The following NIBAN1 variants were observed in gnomAD, a reference collection of about 807,000 sequenced individuals.
NIBAN1 encodes the protein protein Niban 1.
Under a neutral mutation model 75.1 loss-of-function variants are expected in NIBAN1, and 81 were observed. The observed-to-expected ratio is 1.08, with a 90% CI of 0.90 to 1.30. NIBAN1 has a LOEUF of 1.30. Ranked by LOEUF, NIBAN1 falls within the 50% of genes most tolerant of loss-of-function variation. NIBAN1 has a pLI of 0.00. For missense variants in NIBAN1, 1,133 were observed against 1,128.1 expected, an observed-to-expected ratio of 1.00 and a Z score of -0.06; for synonymous variants, 436 against 424.8, an observed-to-expected ratio of 1.03 and a Z score of -0.32.
intron 1 of NIBAN1, among the ~76,000 whole-genome samples, chr1:184,962,823 T>A (rs1658685656): frequency 6.6e-6 from 1 of 152,176 alleles, no homozygotes. Context: ...CTTTAAGGGA[T>A]GTCAAGAAAC....
intron 5 of NIBAN1, among the ~76,000 whole-genome samples, chr1:184,862,957 T>G (rs77545288): frequency 0.022 from 3,369 of 152,190 alleles, 88 homozygotes; most frequent in East Asian, 0.077. Context: ...TTAAGCCCAG[T>G]ATCTGGTATT....
intron 1 of NIBAN1, among the ~76,000 whole-genome samples, chr1:184,917,598 T>A (rs1380390739): frequency 6.6e-6 from 1 of 151,962 alleles, no homozygotes; most frequent in Non-Finnish European, 1.5e-5. Flanking sequence ...GACTTCCTCT[T>A]TTAAGCAAAT....
chr1:184,864,978 C>T (rs60062455), intron 5 of NIBAN1, among the ~76,000 whole-genome samples: 394 of 136,134 alleles, frequency 2.9e-3, no homozygotes, highest in African/African-American at 0.01. Flanking sequence ...CAATATAAAA[C>T]TAAAGAGGTC....
At chr1:184,969,642 T>G (rs1313123594) in intron 1 of NIBAN1, among the ~76,000 whole-genome samples, 8 of 151,572 alleles carry the variant, frequency 5.3e-5, no homozygotes, top group Admixed American at 5.3e-4. Flanking sequence ...TCAGGGACCT[T>G]AAATGGGGCT....
chr1:184,950,223 A>G (rs1011264231), intron 1 of NIBAN1, among the ~76,000 whole-genome samples: 2 of 152,174 alleles, frequency 1.3e-5, no homozygotes, highest in Non-Finnish European at 2.9e-5. Context: ...AATGGTCTCT[A>G]TTATCTTAAC....
At chr1:184,904,411 T>C (rs1230773930) in intron 1 of NIBAN1, among the ~76,000 whole-genome samples, 2 of 152,166 alleles carry the variant, frequency 1.3e-5, no homozygotes, top group African/African-American at 4.8e-5. Context: ...CTTTGACAAC[T>C]CTGTCCATAT....
At chr1:184,806,185 G>A in intron 10 of NIBAN1, 129 bp from the exon 11 acceptor site, 1 of 645,634 alleles carries the variant, frequency 1.5e-6, no homozygotes, top group African/African-American at 1.8e-5. Context: ...TATTCGGTGG[G>A]GGTACCCAAG....
chr1:184,951,517 CT>C (rs1254978701), intron 1 of NIBAN1, among the ~76,000 whole-genome samples: 5 of 152,276 alleles, frequency 3.3e-5, no homozygotes, highest in African/African-American at 4.8e-5. Context: ...CTTGAAGCCA[CT>C]TTTTTTCCCC....
rs1305223738 is a variant in NIBAN1, at chr1:184,803,685, T to G, written c.1454A>C (p.Asp485Ala). ...KVKLRVLKQY[D>A]YDSSTIRKKI... ...CTTTCGGATGGTGCTGCTGTCATAA[T>G]CATATTGCTGTCAATAAAGAAACAT... is the stretch of plus-strand genomic sequence containing the variant. The change falls in exon 12 of 14, where the codon GAT becomes GCT. Residue 485 changes from aspartate to alanine, a missense_variant. Coordinates refer to ENST00000367511, the MANE Select transcript of NIBAN1 (RefSeq NM_052966.4). The G allele has an allele frequency of 6.2e-7, 1 of 1,613,624 alleles. No homozygotes were observed. Among genetic ancestry groups the G allele is most frequent in the South Asian group, 1.1e-5 (1 of 91,058 alleles).
At chr1:184,969,173 T>C (rs554536269) in intron 1 of NIBAN1, among the ~76,000 whole-genome samples, 1 of 152,356 alleles carries the variant, frequency 6.6e-6, no homozygotes, top group African/African-American at 2.4e-5. Flanking sequence ...GATTCTATCA[T>C]TAAACATAAT....
In NIBAN1 at chr1:184,795,292, G is replaced by T. The variant is rs1435107845; in HGVS notation, c.2472C>A (p.Ala824=). The T allele has an allele frequency of 6.2e-7, 1 of 1,612,586 alleles. No individual in the cohort carries two copies. Reference sequence around the variant, plus strand: ...TACACTTGCCCCCTCTTCCTTCATGGGCAGTGAGTGTGCAGGCCTCTCCTG... The same window carrying T: ...TACACTTGCCCCCTCTTCCTTCATGTGCAGTGAGTGTGCAGGCCTCTCCTG... ...ELPGEACTLT[A]HEGRGGKCTE... Residue 824 remains alanine, a synonymous_variant, in exon 14 of 14, where the codon GCC becomes GCA. Coordinates refer to ENST00000367511, the MANE Select transcript of NIBAN1 (RefSeq NM_052966.4).
intron 1 of NIBAN1, among the ~76,000 whole-genome samples, chr1:184,905,756 G>A (rs1325025163): frequency 6.6e-6 from 1 of 152,090 alleles, no homozygotes; most frequent in Admixed American, 6.6e-5. Context: ...TTCAAATATA[G>A]CTTATCTCTC....
At chr1:184,931,789 A>G (rs1224551847) in intron 1 of NIBAN1, among the ~76,000 whole-genome samples, 1 of 152,248 alleles carries the variant, frequency 6.6e-6, no homozygotes, top group Non-Finnish European at 1.5e-5. Context: ...TGTCAAAGCA[A>G]TAAGAAGCCA....
chr1:184,926,264 G>T (rs1657683156), intron 1 of NIBAN1, among the ~76,000 whole-genome samples: 1 of 152,150 alleles, frequency 6.6e-6, no homozygotes, highest in Non-Finnish European at 1.5e-5. Context: ...TTTAAGACGA[G>T]ACTCACTCTA....
intron 1 of NIBAN1, among the ~76,000 whole-genome samples, chr1:184,926,520 G>T (rs1306593725): frequency 6.6e-6 from 1 of 152,144 alleles, no homozygotes; most frequent in African/African-American, 2.4e-5. Flanking sequence ...TTACAGACAT[G>T]AGCCACCACA....
intron 4 of NIBAN1, among the ~76,000 whole-genome samples, chr1:184,885,657 C>T (rs1656506668): frequency 6.6e-6 from 1 of 152,186 alleles, no homozygotes; most frequent in African/African-American, 2.4e-5. Flanking sequence ...CTGTCACTGC[C>T]AAACACCACT....
chr1:184,858,166 A>G (rs916961618), intron 5 of NIBAN1, among the ~76,000 whole-genome samples: 2 of 152,134 alleles, frequency 1.3e-5, no homozygotes, highest in African/African-American at 2.4e-5. Context: ...TGAGAAAAAC[A>G]TTTTTAATGG....
chr1:184,807,320 GA>G (rs34125405), intron 10 of NIBAN1, among the ~76,000 whole-genome samples: 54,816 of 134,144 alleles, frequency 0.41, 11,530 homozygotes, highest in African/African-American at 0.61. Context: ...GGTTCCTTAT[GA>G]AAAAAAAAAA....
intron 8 of NIBAN1, 118 bp downstream of exon 8, chr1:184,823,049 A>C (rs1193961359): frequency 8.2e-7 from 1 of 1,226,638 alleles, no homozygotes; most frequent in African/African-American, 1.5e-5. Context: ...AGCTGTGATC[A>C]CCTCCTCCCA....
Sources: allele counts gnomAD v4.1 joint callset (sites outside exome capture counted in the v4.1 genomes callset), GRCh38; gene constraint gnomAD v4.1.1; transcripts MANE v1.5; gene names NCBI Gene and HGNC (gene_info 2026-07-23, HGNC 2026-07-21).